The following HAPSTR1 variants were observed in gnomAD, a reference collection of about 807,000 sequenced individuals.
HAPSTR1 encodes HUWE1 associated protein modifying stress responses, also known as HUWE1-associated protein modifying stress responses 1.
chr16:9,104,974 T>C, the HAPSTR1 span: 1 of 152,210 alleles, frequency 6.6e-6, no homozygotes, highest in South Asian at 2.1e-4. Context: ...TGTTTTACTG[T>C]TATATTTTAG....
the HAPSTR1 span, chr16:9,118,981 C>T: frequency 1.3e-5 from 2 of 152,624 alleles, no homozygotes; most frequent in Non-Finnish European, 2.9e-5. Flanking sequence ...TTTGATAAAA[C>T]GTGCCATTTT....
the HAPSTR1 span, among the ~76,000 whole-genome samples, chr16:9,096,489 C>G: frequency 1.3e-5 from 2 of 152,174 alleles, no homozygotes; most frequent in East Asian, 1.9e-4. Flanking sequence ...CATCTTGATG[C>G]CAAGCCCTCT....
At chr16:9,120,854 T>A in the HAPSTR1 span, 1 of 152,090 alleles carries the variant, frequency 6.6e-6, no homozygotes, top group Non-Finnish European at 1.5e-5. Flanking sequence ...TTTTTTGTAT[T>A]TTTGTTAGAT....
At chr16:9,104,858 A>AT in the HAPSTR1 span, 1 of 152,214 alleles carries the variant, frequency 6.6e-6, no homozygotes, top group Non-Finnish European at 1.5e-5. Context: ...ATTTTAGCGC[A>AT]TGGTAATATT....
At chr16:9,107,749 T>TG in the HAPSTR1 span, 1 of 152,372 alleles carries the variant, frequency 6.6e-6, no homozygotes. Context: ...GACACAGCCT[T>TG]GCTTCAGGGC....
At chr16:9,113,386 G>T in the HAPSTR1 span, among the ~76,000 whole-genome samples, 1 of 152,172 alleles carries the variant, frequency 6.6e-6, no homozygotes, top group Non-Finnish European at 1.5e-5. Context: ...AGAATTTTCA[G>T]ATTGACCAAA....
At chr16:9,091,686 C>T in the HAPSTR1 span, 325 of 399,216 alleles carry the variant, frequency 8.1e-4, 1 homozygote, top group Non-Finnish European at 1.3e-3. Flanking sequence ...CCGAGCTGCG[C>T]GGAGGGCTCG....
At chr16:9,116,217 C>T in the HAPSTR1 span, among the ~76,000 whole-genome samples, 13,139 of 152,154 alleles carry the variant, frequency 0.086, 783 homozygotes, top group Admixed American at 0.18. Context: ...CCCACCTAGG[C>T]CTGGAAGTGA....
At chr16:9,106,251 GAAA>G in the HAPSTR1 span, 2 of 147,178 alleles carry the variant, frequency 1.4e-5, no homozygotes, top group African/African-American at 5.0e-5. Context: ...CCTATTTAAA[GAAA>G]AAAAAGTAAG....
the HAPSTR1 span, chr16:9,119,010 G>C: frequency 6.6e-6 from 1 of 152,614 alleles, no homozygotes; most frequent in African/African-American, 2.4e-5. Flanking sequence ...AGAGAAAGCA[G>C]GTCTTAATGT....
chr16:9,094,717 A>T, the HAPSTR1 span, among the ~76,000 whole-genome samples: 1 of 152,132 alleles, frequency 6.6e-6, no homozygotes, highest in Non-Finnish European at 1.5e-5. Flanking sequence ...GTATTACTCT[A>T]TGGTGTGGCA....
chr16:9,109,721 CAG>C, the HAPSTR1 span: 2 of 152,016 alleles, frequency 1.3e-5, no homozygotes, highest in South Asian at 2.1e-4. Flanking sequence ...GTTTAAAAGA[CAG>C]GGGGACTTAG....
At chr16:9,099,040 T>G in the HAPSTR1 span, among the ~76,000 whole-genome samples, 1 of 152,146 alleles carries the variant, frequency 6.6e-6, no homozygotes, top group South Asian at 2.1e-4. Flanking sequence ...TCAATATAAT[T>G]CTTTGCCCTC....
chr16:9,092,815 TC>T, the HAPSTR1 span: 2 of 1,217,298 alleles, frequency 1.6e-6, no homozygotes, highest in African/African-American at 3.1e-5. Flanking sequence ...ATATGGCCGT[TC>T]CGGAGTGATT....
the HAPSTR1 span, chr16:9,091,901 A>C: frequency 1.9e-5 from 11 of 588,234 alleles, no homozygotes; most frequent in Admixed American, 4.5e-5. Context: ...GTCGGGGTGC[A>C]GGAGGCCTGG....
the HAPSTR1 span, chr16:9,092,809 G>A: frequency 1.8e-6 from 2 of 1,136,102 alleles, no homozygotes; most frequent in Non-Finnish European, 2.5e-6. Flanking sequence ...AACCTAATAT[G>A]GCCGTTCCGG....
the HAPSTR1 span, chr16:9,102,890 T>C: frequency 3.0e-5 from 40 of 1,315,448 alleles, no homozygotes; most frequent in Non-Finnish European, 4.1e-5. Context: ...ATCATGGTAT[T>C]CACTTTGGTT....
the HAPSTR1 span, among the ~76,000 whole-genome samples, chr16:9,095,985 G>A: frequency 1.3e-5 from 2 of 152,164 alleles, no homozygotes; most frequent in Non-Finnish European, 1.5e-5. Flanking sequence ...AACTAAAGAA[G>A]GGGAGTAAAA....
chr16:9,114,639 C>G, the HAPSTR1 span, among the ~76,000 whole-genome samples: 180 of 152,234 alleles, frequency 1.2e-3, no homozygotes, highest in African/African-American at 4.2e-3. Context: ...AGAAACTGTT[C>G]AAAGAGATGA....
Sources: allele counts gnomAD v4.1 joint callset (sites outside exome capture counted in the v4.1 genomes callset), GRCh38; gene constraint gnomAD v4.1.1; transcripts MANE v1.5; gene names NCBI Gene and HGNC (gene_info 2026-07-23, HGNC 2026-07-21).